The following ACOT12 variants were observed in gnomAD, a reference collection of about 807,000 sequenced individuals.
ACOT12 encodes the protein acetyl-coenzyme A thioesterase.
Under a neutral mutation model 67.7 loss-of-function variants are expected in ACOT12, and 51 were observed. That is an observed-to-expected ratio of 0.75 (90% CI 0.60 to 0.95). ACOT12 has a LOEUF of 0.95. ACOT12 is among the 40% of genes least tolerant of loss of function. The probability of loss-of-function intolerance (pLI) is 0.00; values close to 1 mark genes in which losing one functional copy is unlikely to be tolerated. For synonymous variants in ACOT12, 251 were observed against 244.6 expected, an observed-to-expected ratio of 1.03 and a Z score of -0.24; for missense variants, 734 against 708.1, an observed-to-expected ratio of 1.04 and a Z score of -0.41.
At chr5:81,342,641 T>C (rs757054690) in intron 11 of ACOT12, 31 bp downstream of exon 11, 2 of 1,609,616 alleles carry the variant, frequency 1.2e-6, no homozygotes, top group African/African-American at 1.3e-5. Context: ...TGATGGGCGA[T>C]GGATTATGCA....
intron 1 of ACOT12, among the ~76,000 whole-genome samples, chr5:81,389,955 ATTTT>A (rs34623194): frequency 1.5e-5 from 2 of 129,544 alleles, no homozygotes; most frequent in Non-Finnish European, 1.7e-5. Flanking sequence ...TTATTTATGT[ATTTT>A]TTTTTTTTTT....
the ACOT12 span, among the ~76,000 whole-genome samples, chr5:81,321,546 A>AAAAC: frequency 1.1e-4 from 16 of 152,252 alleles, no homozygotes; most frequent in South Asian, 2.1e-4. Flanking sequence ...ATTGTTTAAA[A>AAAAC]AAACAAACAA....
Position 81,330,192 on chromosome 5 carries a change from C to A in ACOT12, c.*202G>T, listed in dbSNP as rs1309992650. ...AGGCAGAGCCACAGATGACTTACAA[C>A]AGAATTCTAAAGCTCTTTTAATGCT... On this transcript the variant is annotated 3_prime_UTR_variant, in exon 15 of 15. Coordinates refer to ENST00000307624, the MANE Select transcript of ACOT12 (RefSeq NM_130767.3). 3.8e-6 allele frequency: 2 copies of A among 531,168 alleles called. No homozygotes were observed. The highest frequency in any genetic ancestry group is 3.5e-5 in the Admixed American group (1 of 28,224). 32.9% of individuals were successfully genotyped at this position (531,168 alleles called of 1,614,324 possible).
intron 2 of ACOT12, among the ~76,000 whole-genome samples, chr5:81,377,943 A>T (rs1760468928): frequency 6.6e-6 from 1 of 152,224 alleles, no homozygotes; most frequent in Non-Finnish European, 1.5e-5. Context: ...TGCTATCCCC[A>T]TGAAGCTACC....
chr5:81,379,202 C>G (rs979104414), intron 2 of ACOT12, among the ~76,000 whole-genome samples: 4 of 151,922 alleles, frequency 2.6e-5, no homozygotes, highest in Non-Finnish European at 5.9e-5. Context: ...AAGCTGGAAA[C>G]CGTCATTCTC....
At chr5:81,338,930 A>G (rs767744474) in intron 11 of ACOT12, among the ~76,000 whole-genome samples, 1 of 152,054 alleles carries the variant, frequency 6.6e-6, no homozygotes, top group Non-Finnish European at 1.5e-5. Context: ...AAAACACAAA[A>G]ATTATCCAGG....
intron 1 of ACOT12, among the ~76,000 whole-genome samples, chr5:81,391,813 T>C (rs568948262): frequency 6.6e-6 from 1 of 152,298 alleles, no homozygotes; most frequent in East Asian, 1.9e-4. Flanking sequence ...GGGGTAACAC[T>C]GATAGGACTT....
chr5:81,327,707 C>G (rs1452821007), downstream of ACOT12, among the ~76,000 whole-genome samples: 1 of 152,230 alleles, frequency 6.6e-6, no homozygotes, highest in African/African-American at 2.4e-5. Context: ...TCCCAAAGTG[C>G]TGGGATTACA....
chr5:81,347,937 G>A lies in ACOT12; in HGVS notation c.497-7C>T. On this transcript the variant is annotated splice_polypyrimidine_tract_variant and splice_region_variant and intron_variant, in intron 5 of 14. Coordinates refer to ENST00000307624, the MANE Select transcript of ACOT12 (RefSeq NM_130767.3). Reference sequence around the variant, plus strand: ...TCTTCATCAAAAATGAGATCTGAAAGGTGGATGTAAACATTAATGATGGTG... The same window carrying A: ...TCTTCATCAAAAATGAGATCTGAAAAGTGGATGTAAACATTAATGATGGTG... 1 of 1,612,446 alleles carries A rather than the reference G, an allele frequency of 6.2e-7. No homozygotes were observed. The highest frequency in any genetic ancestry group is 8.5e-7 in the Non-Finnish European group (1 of 1,179,220).
chr5:81,311,389 C>A, the ACOT12 span: 1 of 1,101,052 alleles, frequency 9.1e-7, no homozygotes, highest in Admixed American at 1.8e-5. Context: ...TTTAAGACAA[C>A]CTGTTTTCCT....
At chr5:81,349,859 C>T (rs1174057719) in intron 5 of ACOT12, among the ~76,000 whole-genome samples, 4 of 152,212 alleles carry the variant, frequency 2.6e-5, no homozygotes, top group African/African-American at 9.7e-5. Flanking sequence ...AATAGTTGTA[C>T]TGACACTTCT....
chr5:81,369,419 C>A (rs1348142794), intron 3 of ACOT12, among the ~76,000 whole-genome samples: 6 of 152,064 alleles, frequency 3.9e-5, no homozygotes, highest in Non-Finnish European at 5.9e-5. Flanking sequence ...TGAAATTGAA[C>A]AGGAAGACGC....
At chr5:81,382,864 C>G (rs1760624105) in intron 2 of ACOT12, among the ~76,000 whole-genome samples, 1 of 151,624 alleles carries the variant, frequency 6.6e-6, no homozygotes, top group African/African-American at 2.4e-5. Context: ...ACATGAAAAT[C>G]CATAGGCTCT....
At chr5:81,336,474 G>T (rs531852973) in intron 11 of ACOT12, among the ~76,000 whole-genome samples, 1 of 152,260 alleles carries the variant, frequency 6.6e-6, no homozygotes, top group East Asian at 1.9e-4. Context: ...AATCACAGTG[G>T]CTGGATCATC....
chr5:81,314,634 T>C, the ACOT12 span, among the ~76,000 whole-genome samples: 19 of 152,226 alleles, frequency 1.2e-4, no homozygotes, highest in Non-Finnish European at 2.6e-4. Flanking sequence ...ATTCATCTTA[T>C]ATATTTCCCA....
At chr5:81,322,603 A>T in the ACOT12 span, among the ~76,000 whole-genome samples, 1 of 152,210 alleles carries the variant, frequency 6.6e-6, no homozygotes. Flanking sequence ...AGGATAGACC[A>T]AAAGGAGGTG....
chr5:81,388,728 C>T (rs1224626563), intron 1 of ACOT12, among the ~76,000 whole-genome samples: 1 of 152,132 alleles, frequency 6.6e-6, no homozygotes, highest in Non-Finnish European at 1.5e-5. Flanking sequence ...TTGGCTGTGT[C>T]CCCACCCAAA....
chr5:81,363,772 C>T lies in ACOT12; in HGVS notation c.360+16G>A. On this transcript the variant is annotated intron_variant, in intron 4 of 14. Coordinates refer to ENST00000307624, the MANE Select transcript of ACOT12 (RefSeq NM_130767.3). ...CTGAATTACATGCTAGATACATCTT[C>T]ACATACAAAATTTACCTTTTCTTTT... is the stretch of plus-strand genomic sequence containing the variant. 2 of 1,589,502 alleles carry T rather than the reference C, an allele frequency of 1.3e-6. No individual in the cohort carries two copies. Among genetic ancestry groups the T allele is most frequent in the Non-Finnish European group, 1.7e-6 (2 of 1,163,548 alleles).
At chr5:81,311,943 C>CT in the ACOT12 span, among the ~76,000 whole-genome samples, 14,180 of 152,028 alleles carry the variant, frequency 0.093, 735 homozygotes, top group Middle Eastern at 0.19. Flanking sequence ...GGAAAGAGCA[C>CT]TTTTTTTTAT....
Sources: allele counts gnomAD v4.1 joint callset (sites outside exome capture counted in the v4.1 genomes callset), GRCh38; gene constraint gnomAD v4.1.1; transcripts MANE v1.5; gene names NCBI Gene and HGNC (gene_info 2026-07-23, HGNC 2026-07-21).